Variants in ZDHHC21 observed in about 807,000 individuals in gnomAD.
ZDHHC21 encodes zDHHC palmitoyltransferase 21.
A neutral mutation model predicts 34.6 loss-of-function variants in ZDHHC21; 15 were observed. That is an observed-to-expected ratio of 0.43 (90% confidence interval 0.29 to 0.67). The LOEUF (loss-of-function observed/expected upper bound fraction) is 0.67, where lower values mean the gene tolerates loss of function less well. Ranked by LOEUF, ZDHHC21 falls within the 30% of genes least tolerant of loss-of-function variation. The pLI, the probability that ZDHHC21 is intolerant of heterozygous loss-of-function variation, is 0.14. For missense variants in ZDHHC21, 344 were observed against 327.7 expected (o/e 1.05, Z -0.38); for synonymous variants, 142 against 101.8 (o/e 1.40, Z -2.38).
the ZDHHC21 span, among the ~76,000 whole-genome samples, chr9:14,596,983 T>A: frequency 6.6e-6 from 1 of 152,046 alleles, no homozygotes; most frequent in Non-Finnish European, 1.5e-5. Context: ...AACTTTCCAG[T>A]GCCGGGAAAA....
the ZDHHC21 span, among the ~76,000 whole-genome samples, chr9:14,604,668 T>C: frequency 6.6e-6 from 1 of 152,180 alleles, no homozygotes; most frequent in Admixed American, 6.5e-5. Flanking sequence ...AACTCTCCAG[T>C]TATTATTTTT....
intron 7 of ZDHHC21, among the ~76,000 whole-genome samples, chr9:14,640,319 AAAAAAAG>A (rs1829111447): frequency 6.6e-6 from 1 of 150,664 alleles, no homozygotes; most frequent in Non-Finnish European, 1.5e-5. Context: ...AAAAAAAAAA[AAAAAAAG>A]AAAGAAAGAA....
chr9:14,590,028 A>C, the ZDHHC21 span: 45 of 152,356 alleles, frequency 3.0e-4, no homozygotes, highest in African/African-American at 1.1e-3. Context: ...AGGAGCTTAA[A>C]ACACAGCTGT....
chr9:14,637,346 G>C (rs1392521807), intron 8 of ZDHHC21, among the ~76,000 whole-genome samples: 2 of 151,790 alleles, frequency 1.3e-5, no homozygotes, highest in Non-Finnish European at 2.9e-5. Context: ...AACTGAATTG[G>C]GTAGAAATAG....
At chr9:14,679,755 A>C (rs1211745211) in intron 3 of ZDHHC21, among the ~76,000 whole-genome samples, 2 of 152,140 alleles carry the variant, frequency 1.3e-5, no homozygotes, top group Non-Finnish European at 2.9e-5. Context: ...TATTTTTAAA[A>C]ATGAAGTACA....
intron 5 of ZDHHC21, among the ~76,000 whole-genome samples, chr9:14,666,041 G>A (rs1172260357): frequency 6.7e-6 from 1 of 149,896 alleles, no homozygotes; most frequent in Non-Finnish European, 1.5e-5. Context: ...CCAATTAAAA[G>A]ACACAGACTG....
the ZDHHC21 span, among the ~76,000 whole-genome samples, chr9:14,602,706 A>G: frequency 6.6e-6 from 1 of 152,192 alleles, no homozygotes; most frequent in African/African-American, 2.4e-5. Context: ...AAACGAAAAG[A>G]AACATACTCA....
intron 5 of ZDHHC21, among the ~76,000 whole-genome samples, 188 bp downstream of exon 5, chr9:14,672,642 C>A (rs1276369112): frequency 1.3e-5 from 2 of 151,972 alleles, no homozygotes; most frequent in Admixed American, 6.6e-5. Flanking sequence ...TGTGGTGAAA[C>A]TGCCGGGGTG....
intron 5 of ZDHHC21, among the ~76,000 whole-genome samples, chr9:14,669,064 C>A (rs1304732999): frequency 7.3e-6 from 1 of 137,234 alleles, no homozygotes; most frequent in Non-Finnish European, 1.6e-5. Flanking sequence ...AGTGAACAGG[C>A]AACCTACAAA....
intron 1 of ZDHHC21, among the ~76,000 whole-genome samples, chr9:14,691,836 A>G (rs555008282): frequency 2.6e-5 from 4 of 152,342 alleles, no homozygotes; most frequent in East Asian, 3.9e-4. Flanking sequence ...AATACTTCGT[A>G]TATGTTTTTA....
At chr9:14,622,721 T>C (rs1825515194) in intron 8 of ZDHHC21, 5 of 984,920 alleles carry the variant, frequency 5.1e-6, no homozygotes, top group Non-Finnish European at 6.0e-6. Flanking sequence ...GAATAAACAA[T>C]CTGTTATATG....
the ZDHHC21 span, among the ~76,000 whole-genome samples, chr9:14,601,661 A>T: frequency 6.6e-6 from 1 of 152,248 alleles, no homozygotes; most frequent in African/African-American, 2.4e-5. Context: ...TACCCAAAGG[A>T]TTATAAATCA....
Position 14,686,145 on chromosome 9 carries a change from T to A in ZDHHC21, c.-176+4192A>T, listed in dbSNP as rs530842860. On this transcript the variant is annotated intron_variant, in intron 2 of 9. Coordinates refer to ENST00000380916, the MANE Select transcript of ZDHHC21 (RefSeq NM_178566.6). ...GTGCAGCAAATCAACATGGCACATG[T>A]ACACCTATGTAACAAACCTGCATGT... Among the ~76,000 whole-genome samples the A allele has an allele frequency of 1.1e-4, 17 of 151,978 alleles. No individual in the cohort carries two copies. The South Asian group carries it at 2.7e-3, about 24-fold the overall frequency.
chr9:14,673,001 T>C, intron 4 of ZDHHC21, 73 bp from the exon 5 acceptor site: 5 of 971,408 alleles, frequency 5.1e-6, no homozygotes, highest in South Asian at 2.2e-5. Context: ...ATATTTAAAG[T>C]TTAAAATGTA....
chr9:14,589,143 A>G, the ZDHHC21 span: 1 of 152,178 alleles, frequency 6.6e-6, no homozygotes, highest in Non-Finnish European at 1.5e-5. Flanking sequence ...ATGAGCCTCA[A>G]CAGAAGTGCT....
At chr9:14,660,372 C>CA (rs374162221) in intron 6 of ZDHHC21, among the ~76,000 whole-genome samples, 26,995 of 58,758 alleles carry the variant, frequency 0.46, 7,440 homozygotes, top group East Asian at 0.65. Flanking sequence ...GACTCCATCT[C>CA]AAAAAAAAAA....
At chr9:14,655,428 T>C (rs1425413533) in intron 7 of ZDHHC21, among the ~76,000 whole-genome samples, 5 of 151,876 alleles carry the variant, frequency 3.3e-5, no homozygotes, top group African/African-American at 1.2e-4. Flanking sequence ...TCAAAACAAA[T>C]ACTGACTATA....
downstream of ZDHHC21, among the ~76,000 whole-genome samples, chr9:14,610,260 T>C (rs1175383227): frequency 1.3e-5 from 2 of 151,926 alleles, no homozygotes; most frequent in African/African-American, 4.8e-5. Flanking sequence ...TTGAGAACTG[T>C]TGTAACTTAT....
intron 7 of ZDHHC21, among the ~76,000 whole-genome samples, chr9:14,653,194 CAT>C (rs1831568703): frequency 6.6e-6 from 1 of 151,914 alleles, no homozygotes; most frequent in Non-Finnish European, 1.5e-5. Flanking sequence ...TTTATTCACA[CAT>C]AGTTTTATAC....
Sources: gnomAD v4.1 joint callset for allele counts (sites outside exome capture counted in the v4.1 genomes callset) on GRCh38, gnomAD v4.1.1 for gene constraint, MANE v1.5 for transcripts, NCBI Gene and HGNC (gene_info 2026-07-23, HGNC 2026-07-21) for gene names.